The following ADGRF5 variants were observed in gnomAD, a reference collection of about 807,000 sequenced individuals.
The protein encoded by ADGRF5 is adhesion G protein-coupled receptor F5.
Under a neutral mutation model 132.3 loss-of-function variants are expected in ADGRF5, and 75 were observed. The observed-to-expected ratio is 0.57, with a 90% CI of 0.47 to 0.69. The LOEUF is 0.69. ADGRF5 is among the 30% of genes least tolerant of loss of function. The probability of loss-of-function intolerance (pLI) is 0.00; values close to 1 mark genes in which losing one functional copy is unlikely to be tolerated. For missense variants in ADGRF5, 1,516 were observed against 1,630.6 expected (o/e 0.93, Z 1.21); for synonymous variants, 629 against 597.6 (o/e 1.05, Z -0.77).
At chr6:46,865,576 C>T (rs1770323007) in intron 13 of ADGRF5, among the ~76,000 whole-genome samples, 1 of 152,228 alleles carries the variant, frequency 6.6e-6, no homozygotes, top group African/African-American at 2.4e-5. Flanking sequence ...CCATACGCTC[C>T]TGGAGAGAAA....
intron 2 of ADGRF5, among the ~76,000 whole-genome samples, chr6:46,902,706 A>G (rs1774898045): frequency 6.6e-6 from 1 of 152,198 alleles, no homozygotes; most frequent in East Asian, 1.9e-4. Context: ...CCGCTTCCAC[A>G]GCTCTGTCAC....
At chr6:46,899,472 T>C (rs913366256) in intron 3 of ADGRF5, among the ~76,000 whole-genome samples, 8 of 152,092 alleles carry the variant, frequency 5.3e-5, no homozygotes, top group African/African-American at 1.7e-4. Context: ...AGGATGGGAT[T>C]TGAGGGTCGG....
At chr6:46,915,925 C>T (rs1776380156) in intron 1 of ADGRF5, among the ~76,000 whole-genome samples, 1 of 152,048 alleles carries the variant, frequency 6.6e-6, no homozygotes, top group Non-Finnish European at 1.5e-5. Context: ...TGTGCATGGC[C>T]TCCTCCTCTG....
chr6:46,901,225 G>T (rs550430590), intron 2 of ADGRF5, among the ~76,000 whole-genome samples: 1 of 152,190 alleles, frequency 6.6e-6, no homozygotes, highest in South Asian at 2.1e-4. Context: ...TCTGCAGCTG[G>T]TAACAGAGCC....
intron 1 of ADGRF5, among the ~76,000 whole-genome samples, chr6:46,929,911 C>A (rs1304529728): frequency 6.6e-6 from 1 of 152,160 alleles, no homozygotes; most frequent in Admixed American, 6.5e-5. Flanking sequence ...ACCTCCACTT[C>A]CCGGGATCAA....
At chr6:46,883,693 A>AAAATATGTT (rs769932685) in intron 5 of ADGRF5, 28 bp from the exon 6 acceptor site, 1 of 1,166,682 alleles carries the variant, frequency 8.6e-7, no homozygotes, top group African/African-American at 1.6e-5. Flanking sequence ...GCAATATTTA[A>AAAATATGTT]AAATATGTTA....
chr6:46,954,054 C>A (rs1778629535), intron 1 of ADGRF5, among the ~76,000 whole-genome samples: 1 of 151,872 alleles, frequency 6.6e-6, no homozygotes, highest in African/African-American at 2.4e-5. Flanking sequence ...CAATGGTGAC[C>A]AACAAGAGCA....
At chr6:46,901,536 C>T (rs1027537031) in intron 2 of ADGRF5, among the ~76,000 whole-genome samples, 1 of 152,192 alleles carries the variant, frequency 6.6e-6, no homozygotes, top group Non-Finnish European at 1.5e-5. Flanking sequence ...ATTTAACACC[C>T]TGTGCCAAGA....
intron 1 of ADGRF5, among the ~76,000 whole-genome samples, chr6:46,946,449 G>A (rs552286298): frequency 7.2e-5 from 11 of 152,296 alleles, no homozygotes; most frequent in African/African-American, 2.4e-4. Flanking sequence ...GACGTGAATC[G>A]CCATAATCCT....
upstream of ADGRF5, among the ~76,000 whole-genome samples, chr6:46,926,911 A>G (rs1415292434): frequency 6.6e-6 from 1 of 152,142 alleles, no homozygotes; most frequent in Admixed American, 6.5e-5. Flanking sequence ...AACACTGGGC[A>G]GTCACTCCTG....
Position 46,882,104 on chromosome 6 carries a change from G to T in ADGRF5, c.616C>A (p.Arg206=). The T allele has an allele frequency of 6.2e-7, 1 of 1,607,826 alleles. No individual in the cohort carries two copies. Among genetic ancestry groups the T allele is most frequent in the Non-Finnish European group, 8.5e-7 (1 of 1,174,502 alleles). The change falls in exon 7 of 21, where the codon CGG becomes AGG. Residue 206 remains arginine, a synonymous_variant. Transcript: ENST00000283296. ...CCTGGTAAAATTCCGTAACCCTTCC[G>T]GAACTGAAAAATAAAGCAAGATGAA... The part of the protein sequence containing the change: ...SYKTDLETAF[R]KGYGILPGFK...
At chr6:46,878,137 C>G in intron 10 of ADGRF5, 65 bp downstream of exon 10, 2 of 985,914 alleles carry the variant, frequency 2.0e-6, no homozygotes, top group Non-Finnish European at 3.3e-6. Context: ...TACGCCACAT[C>G]TCCCATTTCT....
intron 1 of ADGRF5, among the ~76,000 whole-genome samples, chr6:46,910,226 C>T (rs111427606): frequency 1.5e-3 from 221 of 152,106 alleles, no homozygotes; most frequent in African/African-American, 5.0e-3. Flanking sequence ...TGATATCCTC[C>T]GACAGTTGGA....
chr6:46,877,426 A>G (rs1390968169), intron 10 of ADGRF5, among the ~76,000 whole-genome samples: 2 of 149,116 alleles, frequency 1.3e-5, no homozygotes, highest in Non-Finnish European at 3.0e-5. Context: ...TGGATAAGTC[A>G]TATAATCTGA....
chr6:46,876,613 T>C (rs139772898), intron 10 of ADGRF5, among the ~76,000 whole-genome samples: 78 of 152,330 alleles, frequency 5.1e-4, no homozygotes, highest in African/African-American at 1.9e-3. Context: ...TTTGTTGTTG[T>C]TGTTGTTTGA....
intron 1 of ADGRF5, among the ~76,000 whole-genome samples, chr6:46,933,357 A>G (rs1777658406): frequency 6.6e-6 from 1 of 152,224 alleles, no homozygotes; most frequent in Admixed American, 6.5e-5. Flanking sequence ...TGCTTGTTTT[A>G]ATACTGGAGA....
chr6:46,863,205 T>C, intron 14 of ADGRF5, 109 bp from the exon 15 acceptor site: 1 of 861,586 alleles, frequency 1.2e-6, no homozygotes, highest in African/African-American at 1.7e-5. Flanking sequence ...CATTTACCTT[T>C]ACTTTCCGTC....
chr6:46,875,812 A>G (rs1771594275), intron 10 of ADGRF5, among the ~76,000 whole-genome samples: 1 of 152,106 alleles, frequency 6.6e-6, no homozygotes, highest in African/African-American at 2.4e-5. Flanking sequence ...ACAAAATGAA[A>G]CAAAAAAACC....
chr6:46,922,214 A>G (rs1022656646), upstream of ADGRF5, among the ~76,000 whole-genome samples: 7 of 152,240 alleles, frequency 4.6e-5, no homozygotes, highest in African/African-American at 1.7e-4. Context: ...CAACTTTTAA[A>G]AGATGACCAC....
Sources: gnomAD v4.1 joint callset for allele counts (sites outside exome capture counted in the v4.1 genomes callset) on GRCh38, gnomAD v4.1.1 for gene constraint, MANE v1.5 for transcripts, NCBI Gene and HGNC (gene_info 2026-07-23, HGNC 2026-07-21) for gene names.